The following PRMT3 variants were observed in gnomAD, a reference collection of about 807,000 sequenced individuals.
PRMT3 encodes the protein protein arginine methyltransferase 3, also known as protein arginine N-methyltransferase 3.
In PRMT3, 62 loss-of-function variants were observed where a neutral mutation model predicts 71.9. The observed-to-expected ratio is 0.86, with a 90% CI of 0.70 to 1.07. PRMT3 has a LOEUF of 1.07. Ranked by LOEUF, PRMT3 falls within the 50% of genes least tolerant of loss-of-function variation. The pLI is 0.00. For synonymous variants in PRMT3, 213 were observed against 220.4 expected (o/e 0.97, Z 0.30); for missense variants, 663 against 643.0 (o/e 1.03, Z -0.34).
chr11:20,495,159 G>A lies in PRMT3; in HGVS notation c.1486+905G>A, dbSNP rs186602476. ...TTCTCCTGCCTCAGTCTCCCAAGTA[G>A]CTGGCACCACCACGCCCAGCTAATT... On this transcript the variant is annotated intron_variant, in intron 15 of 15. Coordinates refer to ENST00000331079, the MANE Select transcript of PRMT3 (RefSeq NM_005788.4). Among the ~76,000 whole-genome samples, 569 of 152,264 alleles carry A rather than the reference G, an allele frequency of 3.7e-3. 1 individual carries two copies. The highest frequency in any genetic ancestry group is 9.3e-3 in the South Asian group (45 of 4,822).
intron 13 of PRMT3, among the ~76,000 whole-genome samples, chr11:20,491,418 A>G (rs989886268): frequency 9.2e-5 from 14 of 152,242 alleles, no homozygotes; most frequent in Non-Finnish European, 1.9e-4. Flanking sequence ...TGTGCATGCT[A>G]TGTTGTGTAA....
intron 13 of PRMT3, among the ~76,000 whole-genome samples, chr11:20,470,600 G>A (rs973462592): frequency 1.3e-5 from 2 of 152,122 alleles, no homozygotes; most frequent in Non-Finnish European, 2.9e-5. Flanking sequence ...ATTCCATGGT[G>A]TATATGTATA....
intron 15 of PRMT3, among the ~76,000 whole-genome samples, chr11:20,502,078 A>G (rs748764941): frequency 1.6e-4 from 24 of 152,196 alleles, no homozygotes; most frequent in Admixed American, 2.6e-4. Context: ...AAATGAAGTC[A>G]ATTTTGTTCT....
intron 13 of PRMT3, among the ~76,000 whole-genome samples, chr11:20,479,704 C>T (rs545284714): frequency 1.2e-4 from 18 of 152,112 alleles, no homozygotes; most frequent in African/African-American, 4.1e-4. Flanking sequence ...CAATAAGAAA[C>T]GCCTAAGAGT....
intron 9 of PRMT3, among the ~76,000 whole-genome samples, chr11:20,409,692 C>T (rs1219682983): frequency 6.7e-6 from 1 of 149,548 alleles, no homozygotes; most frequent in Admixed American, 6.7e-5. Flanking sequence ...CACACACACA[C>T]GTTGCATTTG....
At chr11:20,467,895 G>A (rs868661453) in intron 13 of PRMT3, among the ~76,000 whole-genome samples, 1 of 152,200 alleles carries the variant, frequency 6.6e-6, no homozygotes, top group African/African-American at 2.4e-5. Context: ...TATTTACTTC[G>A]ATTCTCTTGC....
chr11:20,396,766 T>C (rs185618572), intron 6 of PRMT3, among the ~76,000 whole-genome samples: 56 of 152,300 alleles, frequency 3.7e-4, no homozygotes, highest in Admixed American at 7.8e-4. Context: ...TTTCAAAGTT[T>C]AATGTGCATA....
chr11:20,402,794 G>T lies in PRMT3; in HGVS notation c.706-125G>T. On this transcript the variant is annotated intron_variant, in intron 7 of 15. Coordinates refer to ENST00000331079, the MANE Select transcript of PRMT3 (RefSeq NM_005788.4). Reference sequence around the variant, plus strand: ...TTTTCTTAGGAAAAAAATAAGCTTGGTATCCCAGGTATAAAAACTGCTATG... The same window carrying T: ...TTTTCTTAGGAAAAAAATAAGCTTGTTATCCCAGGTATAAAAACTGCTATG... 5 of 574,654 alleles carry T rather than the reference G, an allele frequency of 8.7e-6. No homozygotes were observed. The South Asian group carries it at 1.2e-4, about 14-fold the overall frequency. 35.6% of individuals were successfully genotyped at this position (574,654 alleles called of 1,614,324 possible).
intron 15 of PRMT3, among the ~76,000 whole-genome samples, chr11:20,500,120 A>G (rs76367579): frequency 0.065 from 9,956 of 152,302 alleles, 477 homozygotes; most frequent in African/African-American, 0.13. Context: ...GGAGCAATGA[A>G]TGATTGAACT....
intron 13 of PRMT3, among the ~76,000 whole-genome samples, chr11:20,469,379 T>C (rs1015922767): frequency 2.6e-5 from 4 of 152,256 alleles, no homozygotes; most frequent in Non-Finnish European, 5.9e-5. Context: ...CATCTGTGTG[T>C]CTATAAGCTA....
chr11:20,396,732 T>C (rs1032147555), intron 6 of PRMT3, among the ~76,000 whole-genome samples: 5 of 152,166 alleles, frequency 3.3e-5, no homozygotes, highest in Non-Finnish European at 7.4e-5. Context: ...AGTGAATAAA[T>C]TAGCATTCTA....
chr11:20,476,783 C>G (rs1850799585), intron 13 of PRMT3, among the ~76,000 whole-genome samples: 1 of 151,276 alleles, frequency 6.6e-6, no homozygotes, highest in Non-Finnish European at 1.5e-5. Context: ...CCAGTTTGAT[C>G]CATCTTTTTA....
intron 13 of PRMT3, among the ~76,000 whole-genome samples, chr11:20,488,905 AG>A (rs1242212244): frequency 6.6e-6 from 1 of 152,162 alleles, no homozygotes; most frequent in East Asian, 1.9e-4. Context: ...TTCATGATTC[AG>A]TTTACAAATG....
chr11:20,411,686 A>T (rs1849195690), intron 9 of PRMT3, among the ~76,000 whole-genome samples: 1 of 152,150 alleles, frequency 6.6e-6, no homozygotes. Flanking sequence ...ACTAAAACTT[A>T]AGTTTATATT....
At chr11:20,402,074 A>G (rs994040522) in intron 7 of PRMT3, among the ~76,000 whole-genome samples, 23 of 151,952 alleles carry the variant, frequency 1.5e-4, no homozygotes, top group Non-Finnish European at 2.4e-4. Flanking sequence ...TGTAGCTGCA[A>G]TGTTTACATT....
intron 10 of PRMT3, among the ~76,000 whole-genome samples, chr11:20,437,531 T>C (rs558857583): frequency 5.3e-5 from 8 of 152,306 alleles, no homozygotes; most frequent in African/African-American, 1.9e-4. Context: ...AGCAATAATA[T>C]GAGTGACTCA....
At chr11:20,433,931 T>C (rs965469734) in intron 10 of PRMT3, among the ~76,000 whole-genome samples, 5 of 152,132 alleles carry the variant, frequency 3.3e-5, no homozygotes, top group Non-Finnish European at 7.4e-5. Context: ...GGTAGTTCTG[T>C]TTTTAGCTCT....
chr11:20,487,280 T>C (rs1276422235), intron 13 of PRMT3, among the ~76,000 whole-genome samples: 1 of 152,152 alleles, frequency 6.6e-6, no homozygotes, highest in African/African-American at 2.4e-5. Context: ...CTCTTAGGTA[T>C]ATACCCAATG....
At chr11:20,431,693 A>C (rs532044740) in intron 10 of PRMT3, among the ~76,000 whole-genome samples, 1 of 152,222 alleles carries the variant, frequency 6.6e-6, no homozygotes, top group South Asian at 2.1e-4. Flanking sequence ...GGTATACAGA[A>C]GTATGAAAGT....
Sources: allele counts gnomAD v4.1 joint callset (sites outside exome capture counted in the v4.1 genomes callset), GRCh38; gene constraint gnomAD v4.1.1; transcripts MANE v1.5; gene names NCBI Gene and HGNC (gene_info 2026-07-23, HGNC 2026-07-21).